Variants in FNIP1 observed in about 807,000 individuals in gnomAD.
The protein encoded by FNIP1 is folliculin interacting protein 1.
A neutral mutation model predicts 124.5 loss-of-function variants in FNIP1; 40 were observed. That is an observed-to-expected ratio of 0.32 (90% confidence interval 0.25 to 0.42). FNIP1 has a LOEUF of 0.42. FNIP1 is among the 10% of genes least tolerant of loss of function. The pLI is 1.00. For synonymous variants in FNIP1, 472 were observed against 470.6 expected, an observed-to-expected ratio of 1.00 and a Z score of -0.04; for missense variants, 1,176 against 1,403.7, an observed-to-expected ratio of 0.84 and a Z score of 2.59.
chr5:131,766,569 A>G (rs1771432682), intron 1 of FNIP1, among the ~76,000 whole-genome samples: 2 of 152,194 alleles, frequency 1.3e-5, no homozygotes, highest in Non-Finnish European at 2.9e-5. Context: ...ATATATACAG[A>G]TATATGAGAG....
At chr5:131,739,454 C>T (rs1049385696) in intron 2 of FNIP1, among the ~76,000 whole-genome samples, 4 of 152,112 alleles carry the variant, frequency 2.6e-5, no homozygotes, top group South Asian at 4.1e-4. Context: ...AATTCCTGAA[C>T]GTATTTGGAT....
intron 1 of FNIP1, among the ~76,000 whole-genome samples, chr5:131,776,924 T>C (rs1054737151): frequency 6.6e-6 from 1 of 152,166 alleles, no homozygotes; most frequent in Admixed American, 6.5e-5. Flanking sequence ...TCTGAATACA[T>C]GTTATACTTC....
chr5:131,696,894 A>C (rs1421683150), intron 11 of FNIP1, among the ~76,000 whole-genome samples: 1 of 152,190 alleles, frequency 6.6e-6, no homozygotes, highest in Non-Finnish European at 1.5e-5. Context: ...AAACCAAATG[A>C]ATGAGTAGAC....
At position 131,703,714 on chromosome 5, in the gene FNIP1, C is replaced by T. The variant is rs72791136; in HGVS notation, c.1116+351G>A. Among the ~76,000 whole-genome samples the T allele has an allele frequency of 7.7e-3, 1,165 of 152,240 alleles. 15 individuals carry two copies. The highest frequency in any genetic ancestry group is 0.02 in the South Asian group (98 of 4,830). ...GCAGGATCCCTTATATACCGTTCTCCGTTTTATTTTTCTTCACAGGACTTA... is the reference window on the plus strand; with the variant it reads ...GCAGGATCCCTTATATACCGTTCTCTGTTTTATTTTTCTTCACAGGACTTA... On this transcript the variant is annotated intron_variant, in intron 10 of 17. Transcript: ENST00000510461.
At chr5:131,709,109 T>C in intron 8 of FNIP1, 92 bp downstream of exon 8, 1 of 989,550 alleles carries the variant, frequency 1.0e-6, no homozygotes, top group Non-Finnish European at 1.6e-6. Context: ...AATATCAATA[T>C]GAACAAATTT....
intron 11 of FNIP1, among the ~76,000 whole-genome samples, chr5:131,685,933 G>A (rs954564710): frequency 6.6e-6 from 1 of 152,194 alleles, no homozygotes; most frequent in Non-Finnish European, 1.5e-5. Flanking sequence ...CTAGTTGTGT[G>A]TATGTGTGTG....
chr5:131,699,065 GTCT>G, intron 10 of FNIP1, 63 bp from the exon 11 acceptor site: 7 of 1,353,644 alleles, frequency 5.2e-6, no homozygotes, highest in Non-Finnish European at 7.1e-6. Context: ...ATGGAAAAAA[GTCT>G]TTTTTAGACA....
At chr5:131,760,904 GGGAGGGAGGGAGGGAA>G (rs1194168153) in intron 1 of FNIP1, among the ~76,000 whole-genome samples, 1 of 151,132 alleles carries the variant, frequency 6.6e-6, no homozygotes, top group Non-Finnish European at 1.5e-5. Flanking sequence ...GAAAGAGGGA[GGGAGGGAGGGAGGGAA>G]GGAGGGAGGG....
rs1305847934 is a variant in FNIP1, at chr5:131,763,325, A to G, written c.93-18635T>C. Among the ~76,000 whole-genome samples the G allele has an allele frequency of 2.4e-4, 34 of 140,724 alleles. 2 individuals are homozygous for G. Among genetic ancestry groups the G allele is most frequent in the Non-Finnish European group, 6.3e-5 (4 of 63,220 alleles). The allele number at this position is 140,724 out of a possible 152,430, so 92.3% of individuals were successfully genotyped here. On this transcript the variant is annotated intron_variant, in intron 1 of 17. Coordinates refer to ENST00000510461, the MANE Select transcript of FNIP1 (RefSeq NM_133372.3). ...CACACACACACACACACACACACAC[A>G]CGACTACAATGGCCAGCAAAAGATT...
intron 16 of FNIP1, among the ~76,000 whole-genome samples, chr5:131,649,656 C>G (rs576565890): frequency 6.6e-6 from 1 of 152,138 alleles, no homozygotes; most frequent in East Asian, 1.9e-4. Flanking sequence ...TTGATGAAAT[C>G]CAATTTATCT....
intron 11 of FNIP1, among the ~76,000 whole-genome samples, chr5:131,697,923 C>A (rs1029439778): frequency 7.2e-6 from 1 of 139,238 alleles, no homozygotes; most frequent in Non-Finnish European, 1.5e-5. Context: ...GAGGCAAGAT[C>A]ACGCCACTGC....
intron 1 of FNIP1, among the ~76,000 whole-genome samples, chr5:131,754,125 T>C (rs1173787312): frequency 6.6e-6 from 1 of 152,064 alleles, no homozygotes; most frequent in Non-Finnish European, 1.5e-5. Flanking sequence ...AACAGACATA[T>C]TAAACATTTA....
rs577550346 is a variant in FNIP1, at chr5:131,673,073, G to A, written c.1520-149C>T. On this transcript the variant is annotated intron_variant, in intron 13 of 17. Transcript: ENST00000510461. ...TTTGTTTTTTTTTTTTTTGAGACAG[G>A]GTCTCACACTGTAATCCTGGCTGGA... The A allele has an allele frequency of 3.6e-5, 20 of 558,968 alleles. No individual in the cohort carries two copies. The South Asian group carries it at 6.5e-4, about 18-fold the overall frequency. 34.6% of individuals were successfully genotyped at this position (558,968 alleles called of 1,614,324 possible). A position where few individuals can be genotyped will look rare whatever the true frequency, so the allele number is the denominator to read the frequency against.
chr5:131,715,370 C>T (rs1388520497), intron 6 of FNIP1, among the ~76,000 whole-genome samples: 2 of 152,044 alleles, frequency 1.3e-5, no homozygotes. Context: ...CCTGCAGTCC[C>T]AGCTACTTGG....
rs1554094649 is a variant in FNIP1 at position 131,695,153 on chromosome 5, A to AAAGC, written c.1202+3760_1202+3763dup. ...TAAATAAATAAATAAATAAATAAAT[A>AAAGC]AAGCATTAACTGGGAAAACTGTAGG... On this transcript the variant is annotated intron_variant, in intron 11 of 17. Coordinates refer to ENST00000510461, the MANE Select transcript of FNIP1 (RefSeq NM_133372.3). Among the ~76,000 whole-genome samples the AAAGC allele has an allele frequency of 5.7e-3, 804 of 141,022 alleles. 10 individuals are homozygous for AAAGC. The highest frequency in any genetic ancestry group is 0.02 in the African/African-American group (767 of 39,234). The allele number at this position is 141,022 out of a possible 152,430, so 92.5% of individuals were successfully genotyped here.
chr5:131,785,155 GAT>G (rs1247016045), intron 1 of FNIP1, among the ~76,000 whole-genome samples: 1 of 79,452 alleles, frequency 1.3e-5, no homozygotes, highest in Non-Finnish European at 2.7e-5. Flanking sequence ...TCATATATAT[GAT>G]ATATATGACT....
chr5:131,676,723 G>A (rs1479288476), intron 13 of FNIP1, among the ~76,000 whole-genome samples: 1 of 152,120 alleles, frequency 6.6e-6, no homozygotes, highest in East Asian at 1.9e-4. Context: ...TCGTGCCACT[G>A]CACTTCAGCC....
intron 2 of FNIP1, among the ~76,000 whole-genome samples, chr5:131,742,961 T>A (rs1305284277): frequency 1.3e-5 from 2 of 152,210 alleles, no homozygotes; most frequent in Non-Finnish European, 2.9e-5. Context: ...TGTAAGGCAA[T>A]GTGCAGTGTA....
At chr5:131,648,164 T>C (rs1383442983) in intron 16 of FNIP1, among the ~76,000 whole-genome samples, 7 of 82,994 alleles carry the variant, frequency 8.4e-5, no homozygotes, top group Admixed American at 5.1e-4. Context: ...ACTCTGTCTC[T>C]ACAAAAATTA....
Sources: allele counts gnomAD v4.1 joint callset (sites outside exome capture counted in the v4.1 genomes callset), GRCh38; gene constraint gnomAD v4.1.1; transcripts MANE v1.5; gene names NCBI Gene and HGNC (gene_info 2026-07-23, HGNC 2026-07-21).